The following VTA1 variants were observed in gnomAD, a reference collection of about 807,000 sequenced individuals.
VTA1 encodes vacuolar protein sorting-associated protein VTA1 homolog.
Under a neutral mutation model 36.9 loss-of-function variants are expected in VTA1, and 24 were observed. The ratio of observed to expected loss-of-function variants is 0.65; its 90% CI spans 0.47 to 0.91. The LOEUF is 0.91. Ranked by LOEUF, VTA1 falls within the 40% of genes least tolerant of loss-of-function variation. The probability of loss-of-function intolerance (pLI) is 0.00; values close to 1 mark genes in which losing one functional copy is unlikely to be tolerated. For synonymous variants in VTA1, 142 were observed against 130.2 expected, an observed-to-expected ratio of 1.09 and a Z score of -0.62; for missense variants, 393 against 377.2, an observed-to-expected ratio of 1.04 and a Z score of -0.35.
Position 142,198,490 on chromosome 6 carries a change from C to T in VTA1, c.572C>T (p.Thr191Ile). Residue 191 changes from threonine to isoleucine, a missense_variant, in exon 6 of 8, where the codon ACT becomes ATT. Transcript: ENST00000367630. The part of the protein sequence containing the change: ...AGAASLPTQP[T>I]QPSSSSTYDP... ...GCAGCCTCTCTGCCCACTCAGCCAACTCAGCCATCATCATCTTCAACTTAT... is the reference window on the plus strand; with the variant it reads ...GCAGCCTCTCTGCCCACTCAGCCAATTCAGCCATCATCATCTTCAACTTAT... The T allele has an allele frequency of 6.8e-6, 11 of 1,614,120 alleles. No homozygotes were observed. Among genetic ancestry groups the T allele is most frequent in the Non-Finnish European group, 9.3e-6 (11 of 1,179,994 alleles).
intron 1 of VTA1, among the ~76,000 whole-genome samples, chr6:142,150,221 G>C (rs892366934): frequency 1.3e-5 from 2 of 152,024 alleles, no homozygotes; most frequent in African/African-American, 4.8e-5. Flanking sequence ...CTATATTTGT[G>C]GGCCTGATTC....
At chr6:142,206,953 T>C (rs180732965) in intron 7 of VTA1, among the ~76,000 whole-genome samples, 11 of 152,278 alleles carry the variant, frequency 7.2e-5, no homozygotes, top group African/African-American at 2.2e-4. Context: ...TCAAAATGGT[T>C]CTGATGCCTA....
At chr6:142,209,705 A>G (rs1203488325) in intron 7 of VTA1, among the ~76,000 whole-genome samples, 6 of 151,814 alleles carry the variant, frequency 4.0e-5, no homozygotes, top group Non-Finnish European at 7.4e-5. Context: ...CATTGTGTAT[A>G]TATTAATAAC....
At chr6:142,147,479 C>T (rs1778471385) in intron 1 of VTA1, 80 bp downstream of exon 1, 2 of 1,382,604 alleles carry the variant, frequency 1.4e-6, no homozygotes, top group South Asian at 2.5e-5. Context: ...GTTCTTGGGG[C>T]ATGCCCCGCC....
intron 5 of VTA1, among the ~76,000 whole-genome samples, chr6:142,192,754 T>G (rs1775479209): frequency 6.6e-6 from 1 of 151,796 alleles, no homozygotes; most frequent in Non-Finnish European, 1.5e-5. Context: ...CAACCTGGTG[T>G]CATAATCTGG....
chr6:142,196,192 T>C (rs1246599048), intron 5 of VTA1, among the ~76,000 whole-genome samples: 3 of 152,228 alleles, frequency 2.0e-5, no homozygotes, highest in Non-Finnish European at 1.5e-5. Context: ...TTACGAATTC[T>C]ATTTGGCCGG....
chr6:142,186,039 A>G (rs936221043), intron 4 of VTA1, among the ~76,000 whole-genome samples: 12 of 152,286 alleles, frequency 7.9e-5, no homozygotes, highest in African/African-American at 2.4e-4. Context: ...ACTATGATAA[A>G]TGTTGTTTTA....
At chr6:142,212,916 C>G (rs149518950) in intron 7 of VTA1, among the ~76,000 whole-genome samples, 3 of 152,298 alleles carry the variant, frequency 2.0e-5, no homozygotes, top group African/African-American at 7.2e-5. Context: ...GAGGTTTGGG[C>G]AGGGACACAA....
intron 5 of VTA1, among the ~76,000 whole-genome samples, chr6:142,195,200 T>A (rs1300240417): frequency 6.6e-6 from 1 of 152,146 alleles, no homozygotes; most frequent in Non-Finnish European, 1.5e-5. Flanking sequence ...TCACTGCTTA[T>A]TCCATCTAGG....
intron 4 of VTA1, among the ~76,000 whole-genome samples, chr6:142,180,498 A>C (rs961398442): frequency 6.6e-6 from 1 of 152,254 alleles, no homozygotes; most frequent in Non-Finnish European, 1.5e-5. Flanking sequence ...AAATATACAA[A>C]TAGTGATAAA....
chr6:142,164,775 A>T (rs1320769261), intron 1 of VTA1, among the ~76,000 whole-genome samples: 1 of 152,192 alleles, frequency 6.6e-6, no homozygotes, highest in African/African-American at 2.4e-5. Flanking sequence ...ATAATGAATG[A>T]TAAAAATGAC....
Position 142,189,534 on chromosome 6 carries a change from GGTAT to G in VTA1, c.520+5_520+8del, listed in dbSNP as rs2114665150. ...CCCTGTTGGAATTGAAGAAGATAAT[GGTAT>G]GTATTTATTTATTCTGAGTAAAAGG... On this transcript the variant is annotated splice_donor_variant and splice_donor_region_variant and intron_variant, in intron 5 of 7. Transcript: ENST00000367630. LOFTEE classifies it high-confidence loss of function. The G allele has an allele frequency of 1.3e-6, 2 of 1,577,072 alleles. No homozygotes were observed. Among genetic ancestry groups the G allele is most frequent in the Non-Finnish European group, 1.7e-6 (2 of 1,154,028 alleles).
intron 4 of VTA1, among the ~76,000 whole-genome samples, chr6:142,185,079 A>G (rs1020493481): frequency 2.6e-5 from 4 of 151,696 alleles, no homozygotes; most frequent in African/African-American, 9.7e-5. Flanking sequence ...TATTGCTTCC[A>G]TTTTTTCACA....
chr6:142,178,032 T>C (rs1018838274), intron 4 of VTA1, among the ~76,000 whole-genome samples: 1 of 152,116 alleles, frequency 6.6e-6, no homozygotes, highest in African/African-American at 2.4e-5. Flanking sequence ...GAAGAAATAA[T>C]GACCACAGAT....
chr6:142,197,840 C>T (rs954877970), intron 5 of VTA1, among the ~76,000 whole-genome samples: 6 of 150,178 alleles, frequency 4.0e-5, no homozygotes, highest in Non-Finnish European at 5.9e-5. Flanking sequence ...TTTGGGAGGC[C>T]GAGGCAGGCA....
chr6:142,180,814 T>G (rs2114655900), intron 4 of VTA1, among the ~76,000 whole-genome samples: 1 of 151,854 alleles, frequency 6.6e-6, no homozygotes, highest in Non-Finnish European at 1.5e-5. Context: ...ATCAGACAAA[T>G]CAATAGACAT....
At chr6:142,201,700 C>T (rs1238966589) in intron 6 of VTA1, among the ~76,000 whole-genome samples, 2 of 151,872 alleles carry the variant, frequency 1.3e-5, no homozygotes, top group Non-Finnish European at 2.9e-5. Context: ...TCAGAAGTAC[C>T]ATGTTTGCAT....
At chr6:142,212,887 C>A (rs1168467107) in intron 7 of VTA1, among the ~76,000 whole-genome samples, 1 of 152,010 alleles carries the variant, frequency 6.6e-6, no homozygotes, top group African/African-American at 2.4e-5. Flanking sequence ...CTCTCCAGGC[C>A]CCTCCTTCAA....
chr6:142,197,933 CA>C (rs1164881786), intron 5 of VTA1, among the ~76,000 whole-genome samples: 6 of 140,772 alleles, frequency 4.3e-5, no homozygotes, highest in African/African-American at 7.9e-5. Flanking sequence ...AAAAAAAAAC[CA>C]AAAAAAAAAC....
Sources: gnomAD v4.1 joint callset for allele counts (sites outside exome capture counted in the v4.1 genomes callset) on GRCh38, gnomAD v4.1.1 for gene constraint, MANE v1.5 for transcripts, NCBI Gene and HGNC (gene_info 2026-07-23, HGNC 2026-07-21) for gene names.